The following CTNNA1 variants were observed in gnomAD, a reference collection of about 807,000 sequenced individuals.
CTNNA1 encodes catenin alpha 1, also known as catenin alpha-1.
CTNNA1 carries 37 observed loss-of-function variants against 98.4 expected under a neutral mutation model. The observed-to-expected ratio is 0.38, with a 90% confidence interval of 0.29 to 0.49. The LOEUF is 0.49. Among genes scored for constraint, CTNNA1 ranks in the 20% least tolerant of loss-of-function variants. The pLI, the probability that CTNNA1 is intolerant of heterozygous loss-of-function variation, is 0.95. For missense variants in CTNNA1, 761 were observed against 1,147.2 expected, an observed-to-expected ratio of 0.66 and a Z score of 4.86; for synonymous variants, 404 against 413.2, an observed-to-expected ratio of 0.98 and a Z score of 0.27.
Position 138,822,115 on chromosome 5 carries a change from A to G in CTNNA1, c.589-2415A>G, listed in dbSNP as rs1760107201. The stretch of plus-strand genomic sequence containing the variant: ...CCTCATACTTTGTAAATAGGAGTCT[A>G]TCAGAGATACACTGTGATAAGGGCA... On this transcript the variant is annotated intron_variant, in intron 5 of 17. Transcript: ENST00000302763. 3.3e-5 allele frequency among the ~76,000 whole-genome samples: 5 copies of G among 152,206 alleles called. No homozygotes were observed. The South Asian group carries it at 1.0e-3, about 31-fold the overall frequency.
At chr5:138,821,561 A>G (rs1760047896) in intron 5 of CTNNA1, among the ~76,000 whole-genome samples, 1 of 152,232 alleles carries the variant, frequency 6.6e-6, no homozygotes, top group Non-Finnish European at 1.5e-5. Flanking sequence ...ATTTGTATCC[A>G]AGAGAAATCT....
intron 7 of CTNNA1, among the ~76,000 whole-genome samples, chr5:138,851,048 A>T (rs1763139733): frequency 6.6e-6 from 1 of 152,224 alleles, no homozygotes; most frequent in African/African-American, 2.4e-5. Context: ...AAAGGCATTT[A>T]TTGCCTTGTG....
At chr5:138,843,062 G>A (rs1196506843) in intron 7 of CTNNA1, among the ~76,000 whole-genome samples, 1 of 152,190 alleles carries the variant, frequency 6.6e-6, no homozygotes, top group Non-Finnish European at 1.5e-5. Flanking sequence ...TTGATCAAGT[G>A]TGAATTATCC....
intron 1 of CTNNA1, among the ~76,000 whole-genome samples, chr5:138,779,536 A>T (rs188303290): frequency 0.017 from 2,546 of 150,238 alleles, 75 homozygotes; most frequent in African/African-American, 0.057. Flanking sequence ...TCCGTTTTTT[A>T]AAAAAAAAAT....
chr5:138,863,881 G>A (rs1161156416), intron 7 of CTNNA1, among the ~76,000 whole-genome samples: 1 of 152,192 alleles, frequency 6.6e-6, no homozygotes, highest in Admixed American at 6.5e-5. Context: ...TAGGAGTGTC[G>A]AAACTGTTTC....
chr5:138,884,934 T>C (rs1406727025), intron 7 of CTNNA1, among the ~76,000 whole-genome samples: 1 of 152,160 alleles, frequency 6.6e-6, no homozygotes, highest in African/African-American at 2.4e-5. Context: ...TTTAATTTGA[T>C]TGGCAGTACA....
intron 1 of CTNNA1, among the ~76,000 whole-genome samples, chr5:138,757,228 G>A (rs986901834): frequency 6.6e-6 from 1 of 151,746 alleles, no homozygotes; most frequent in South Asian, 2.1e-4. Flanking sequence ...AAGGGAGGGA[G>A]GAAGGAAGGA....
At chr5:138,924,281 T>TTA (rs1561754459) in intron 11 of CTNNA1, among the ~76,000 whole-genome samples, 5 of 135,034 alleles carry the variant, frequency 3.7e-5, no homozygotes, top group African/African-American at 1.4e-4. Flanking sequence ...TTTTATTTTT[T>TTA]GTTTTTTTTT....
chr5:138,799,508 A>C (rs1426121764), intron 3 of CTNNA1, among the ~76,000 whole-genome samples: 1 of 152,126 alleles, frequency 6.6e-6, no homozygotes, highest in Non-Finnish European at 1.5e-5. Context: ...AGATGGAGGA[A>C]AAAAAAGTTG....
At chr5:138,843,254 G>C (rs892164736) in intron 7 of CTNNA1, among the ~76,000 whole-genome samples, 4 of 152,180 alleles carry the variant, frequency 2.6e-5, no homozygotes, top group African/African-American at 9.7e-5. Flanking sequence ...TTTGGTAATG[G>C]TTAAGTGAGG....
chr5:138,850,147 T>G (rs1269066935), intron 7 of CTNNA1, among the ~76,000 whole-genome samples: 1 of 152,244 alleles, frequency 6.6e-6, no homozygotes, highest in Non-Finnish European at 1.5e-5. Context: ...TCCTAATGTT[T>G]ATTTACTTTG....
chr5:138,842,494 AT>A (rs1762358568), intron 7 of CTNNA1, among the ~76,000 whole-genome samples: 1 of 152,136 alleles, frequency 6.6e-6, no homozygotes, highest in African/African-American at 2.4e-5. Context: ...CTATTTAGTG[AT>A]TTCTGTTGTG....
chr5:138,873,051 A>C lies in CTNNA1; in HGVS notation c.1063-13161A>C. ...TTGTATGGCAGCTGCTGACACTTGC[A>C]CTGTCCATAACCATTAATGATGATG... On this transcript the variant is annotated intron_variant, in intron 7 of 17. Transcript: ENST00000302763. This position sits in a 1 kb window ranked among gnomAD's most constrained non-coding sequence, Gnocchi z 6.1. The C allele has an allele frequency of 3.1e-6, 5 of 1,612,616 alleles. No individual in the cohort carries two copies. The highest frequency in any genetic ancestry group is 4.2e-6 in the Non-Finnish European group (5 of 1,179,400).
At chr5:138,887,355 A>G (rs1754293329) in intron 8 of CTNNA1, 135 bp from the exon 9 acceptor site, 1 of 586,926 alleles carries the variant, frequency 1.7e-6, no homozygotes. Context: ...CATGGCTTAC[A>G]TGAGGGGTCC....
chr5:138,843,052 TTG>T (rs1762402059), intron 7 of CTNNA1, among the ~76,000 whole-genome samples: 1 of 152,232 alleles, frequency 6.6e-6, no homozygotes, highest in Admixed American at 6.5e-5. Context: ...ATTTAAGGTA[TTG>T]ATCAAGTGTG....
rs147596930 is a variant in CTNNA1, at chr5:138,865,803, A to G, written c.1063-20409A>G. Reference sequence around the variant, plus strand: ...CTGCTTTTGATCTTTTTATATCTTTATTTCACTATTCTGTACATAGTTTTA... The same window carrying G: ...CTGCTTTTGATCTTTTTATATCTTTGTTTCACTATTCTGTACATAGTTTTA... On this transcript the variant is annotated intron_variant, in intron 7 of 17. Coordinates refer to ENST00000302763, the MANE Select transcript of CTNNA1 (RefSeq NM_001903.5). Among the ~76,000 whole-genome samples, 7 of 152,206 alleles carry G rather than the reference A, an allele frequency of 4.6e-5. No homozygotes were observed. The East Asian group carries it at 1.4e-3, about 29-fold the overall frequency.
intron 7 of CTNNA1, among the ~76,000 whole-genome samples, chr5:138,864,975 G>A (rs973551022): frequency 6.6e-6 from 1 of 151,866 alleles, no homozygotes; most frequent in Admixed American, 6.6e-5. Context: ...CACCACACCC[G>A]GCTAATTTTT....
intron 3 of CTNNA1, among the ~76,000 whole-genome samples, chr5:138,798,626 A>G (rs1490858828): frequency 6.6e-6 from 1 of 152,216 alleles, no homozygotes; most frequent in Non-Finnish European, 1.5e-5. Flanking sequence ...TCTTCTCCTA[A>G]TAAAGAATTG....
At chr5:138,894,275 C>CTATCTT (rs1756211449) in intron 9 of CTNNA1, among the ~76,000 whole-genome samples, 1 of 80,060 alleles carries the variant, frequency 1.2e-5, no homozygotes, top group Non-Finnish European at 3.0e-5. Context: ...CTTTACTTTT[C>CTATCTT]TTTCTCTTTT....
Sources: gnomAD v4.1 joint callset for allele counts (sites outside exome capture counted in the v4.1 genomes callset) on GRCh38, gnomAD v4.1.1 for gene constraint, Gnocchi (gnomAD v3.1) non-coding constraint, MANE v1.5 for transcripts, NCBI Gene and HGNC (gene_info 2026-07-23, HGNC 2026-07-21) for gene names.